Variants in MINDY2 observed in about 807,000 individuals in gnomAD.
MINDY2 encodes MINDY lysine 48 deubiquitinase 2.
Under a neutral mutation model 68.2 loss-of-function variants are expected in MINDY2, and 52 were observed. The observed-to-expected ratio is 0.76, with a 90% CI of 0.61 to 0.96. The LOEUF is 0.96. MINDY2 is among the 40% of genes least tolerant of loss of function. MINDY2 has a pLI of 0.00. For synonymous variants in MINDY2, 372 were observed against 303.0 expected (o/e 1.23, Z -2.36); for missense variants, 881 against 773.4 (o/e 1.14, Z -1.65).
At chr15:58,787,473 C>T (rs1901583512) in intron 1 of MINDY2, among the ~76,000 whole-genome samples, 1 of 151,952 alleles carries the variant, frequency 6.6e-6, no homozygotes, top group Admixed American at 6.6e-5. Flanking sequence ...TGCAGTGGCT[C>T]ACACCTGTAA....
chr15:58,780,316 A>G (rs1009309161), intron 1 of MINDY2, among the ~76,000 whole-genome samples: 3 of 152,078 alleles, frequency 2.0e-5, no homozygotes, highest in African/African-American at 7.2e-5. Flanking sequence ...AGGCAGGAGA[A>G]TCACTTTAAC....
chr15:58,854,786 C>T lies in MINDY2; in HGVS notation c.*176C>T. ...TCAGACTTTTTCAAGTCACACAATA[C>T]ACTCTTTATGAGCTGGAGTTTCATG... On this transcript the variant is annotated 3_prime_UTR_variant, in exon 9 of 9. Coordinates refer to ENST00000559228, the MANE Select transcript of MINDY2 (RefSeq NM_001040450.3). 1.8e-6 allele frequency: 1 copy of T among 559,230 alleles called. No homozygotes were observed. Among genetic ancestry groups the T allele is most frequent in the Non-Finnish European group, 2.9e-6 (1 of 339,406 alleles). The allele number at this position is 559,230 out of a possible 1,614,324, so 34.6% of individuals were successfully genotyped here.
chr15:58,841,868 C>G (rs2032304114), intron 6 of MINDY2, among the ~76,000 whole-genome samples: 1 of 152,302 alleles, frequency 6.6e-6, no homozygotes, highest in African/African-American at 2.4e-5. Flanking sequence ...TAAACCATTT[C>G]TGTCCTAGAA....
At chr15:58,805,324 A>G (rs1177462852) in intron 3 of MINDY2, among the ~76,000 whole-genome samples, 2 of 152,176 alleles carry the variant, frequency 1.3e-5, no homozygotes, top group African/African-American at 4.8e-5. Context: ...ATTTTACGTG[A>G]ACAGATGTCT....
At chr15:58,798,882 A>G (rs1902455564) in intron 2 of MINDY2, among the ~76,000 whole-genome samples, 1 of 152,238 alleles carries the variant, frequency 6.6e-6, no homozygotes, top group Non-Finnish European at 1.5e-5. Context: ...TCTTGGAAAG[A>G]GTAATAAAAA....
chr15:58,771,321 C>T lies in MINDY2; in HGVS notation c.-75C>T, dbSNP rs1421769091. The T allele has an allele frequency of 2.0e-6, 3 of 1,536,284 alleles. No individual in the cohort carries two copies. Among genetic ancestry groups the T allele is most frequent in the Non-Finnish European group, 2.6e-6 (3 of 1,144,504 alleles). On this transcript the variant is annotated 5_prime_UTR_variant, in exon 1 of 9. Transcript: ENST00000559228. ...CAGGGCGCTGTTGCTGCCAATACAG[C>T]TGTCATGGCGTCCAAGGCGCTGGCT... is the stretch of plus-strand genomic sequence containing the variant.
rs1203638513 is a variant in MINDY2, at chr15:58,857,787, T to G, written c.*3177T>G. On this transcript the variant is annotated 3_prime_UTR_variant, in exon 9 of 9. Coordinates refer to ENST00000559228, the MANE Select transcript of MINDY2 (RefSeq NM_001040450.3). Reference sequence around the variant, plus strand: ...AGCCTAGATTAGGGACATATTTGCATCAACCAAATCATCATTAGATTTGAA... The same window carrying G: ...AGCCTAGATTAGGGACATATTTGCAGCAACCAAATCATCATTAGATTTGAA... 1 of 152,188 alleles carries G rather than the reference T, an allele frequency of 6.6e-6. No individual in the cohort carries two copies. Among genetic ancestry groups the G allele is most frequent in the Non-Finnish European group, 1.5e-5 (1 of 68,030 alleles). 9.4% of individuals were successfully genotyped at this position (152,188 alleles called of 1,614,324 possible).
At chr15:58,821,138 C>A (rs1420346404) in intron 4 of MINDY2, among the ~76,000 whole-genome samples, 2 of 151,576 alleles carry the variant, frequency 1.3e-5, no homozygotes, top group African/African-American at 4.8e-5. Flanking sequence ...AAATAAGAAT[C>A]ATGGCGCATA....
chr15:58,786,923 G>A lies in MINDY2; in HGVS notation c.841-983G>A, dbSNP rs1009022657. Among the ~76,000 whole-genome samples, 10 of 152,088 alleles carry A rather than the reference G, an allele frequency of 6.6e-5. 1 individual carries two copies. The highest frequency in any genetic ancestry group is 2.2e-4 in the African/African-American group (9 of 41,414). ...TGGCTCACTGCAACCTCTGCCTCCCGGGTCCAAGTGATTCTTCTGCCTCAG... is the reference window on the plus strand; with the variant it reads ...TGGCTCACTGCAACCTCTGCCTCCCAGGTCCAAGTGATTCTTCTGCCTCAG... On this transcript the variant is annotated intron_variant, in intron 1 of 8. Coordinates refer to ENST00000559228, the MANE Select transcript of MINDY2 (RefSeq NM_001040450.3).
intron 5 of MINDY2, among the ~76,000 whole-genome samples, chr15:58,828,202 C>G (rs1262562099): frequency 1.3e-5 from 2 of 151,536 alleles, no homozygotes; most frequent in African/African-American, 4.8e-5. Context: ...CAAGTAAAAT[C>G]TGGGCATTTG....
At chr15:58,835,380 C>T (rs1046677287) in intron 6 of MINDY2, among the ~76,000 whole-genome samples, 1 of 152,014 alleles carries the variant, frequency 6.6e-6, no homozygotes, top group Non-Finnish European at 1.5e-5. Flanking sequence ...AGGCTGGGTG[C>T]GGTGTCTCAC....
intron 1 of MINDY2, among the ~76,000 whole-genome samples, chr15:58,785,370 A>G (rs1248683758): frequency 1.3e-5 from 2 of 152,136 alleles, no homozygotes; most frequent in African/African-American, 4.8e-5. Context: ...TAAAAAAAAA[A>G]TCATCTAATG....
intron 6 of MINDY2, among the ~76,000 whole-genome samples, chr15:58,835,318 G>A (rs1253635896): frequency 6.6e-6 from 1 of 152,096 alleles, no homozygotes; most frequent in Non-Finnish European, 1.5e-5. Context: ...TTATAACTTA[G>A]GGATTGTCAG....
chr15:58,784,710 C>G (rs571157968), intron 1 of MINDY2, among the ~76,000 whole-genome samples: 1 of 147,696 alleles, frequency 6.8e-6, no homozygotes, highest in Admixed American at 6.9e-5. Flanking sequence ...GCTTCAAATT[C>G]CTGGGTTCAA....
intron 6 of MINDY2, among the ~76,000 whole-genome samples, chr15:58,833,070 T>C (rs947556059): frequency 2.0e-5 from 3 of 152,228 alleles, no homozygotes; most frequent in East Asian, 1.9e-4. Context: ...TTATCTCTTA[T>C]AGCCATTCTT....
intron 3 of MINDY2, 139 bp downstream of exon 3, chr15:58,802,516 C>G: frequency 4.1e-6 from 2 of 485,872 alleles, no homozygotes; most frequent in East Asian, 3.6e-5. Flanking sequence ...TGTGGTCAGT[C>G]TCTATTACAT....
At chr15:58,852,287 C>A (rs116840420) in intron 8 of MINDY2, among the ~76,000 whole-genome samples, 79 of 61,904 alleles carry the variant, frequency 1.3e-3, no homozygotes, top group African/African-American at 2.8e-3. Context: ...GACTCCTTCT[C>A]AAAAAAAAAA....
chr15:58,852,834 T>C (rs958178047), intron 8 of MINDY2, among the ~76,000 whole-genome samples: 1 of 151,456 alleles, frequency 6.6e-6, no homozygotes, highest in Non-Finnish European at 1.5e-5. Flanking sequence ...GAAAATTTAA[T>C]GGTGGGATTC....
intron 4 of MINDY2, among the ~76,000 whole-genome samples, chr15:58,814,114 A>G (rs1481159714): frequency 1.3e-5 from 2 of 151,038 alleles, no homozygotes; most frequent in Non-Finnish European, 3.0e-5. Flanking sequence ...ATTTTTTTGT[A>G]TTTTTAGTAG....
Sources: gnomAD v4.1 joint callset for allele counts (sites outside exome capture counted in the v4.1 genomes callset) on GRCh38, gnomAD v4.1.1 for gene constraint, MANE v1.5 for transcripts, NCBI Gene and HGNC (gene_info 2026-07-23, HGNC 2026-07-21) for gene names.